Variants in SLC16A12 observed in about 807,000 individuals in gnomAD.
SLC16A12 encodes solute carrier family 16 member 12.
SLC16A12 carries 17 observed loss-of-function variants against 42.4 expected under a neutral mutation model. The ratio of observed to expected loss-of-function variants is 0.40; its 90% confidence interval spans 0.27 to 0.60. The LOEUF is 0.60. SLC16A12 is among the 20% of genes least tolerant of loss of function. SLC16A12 has a pLI of 0.42. For missense variants in SLC16A12, 544 were observed against 623.0 expected, an observed-to-expected ratio of 0.87 and a Z score of 1.35; for synonymous variants, 224 against 229.4, an observed-to-expected ratio of 0.98 and a Z score of 0.21.
chr10:89,530,449 G>A lies in SLC16A12; in HGVS notation c.-47+4052C>T, dbSNP rs903263047. On this transcript the variant is annotated intron_variant, in intron 2 of 7. Coordinates refer to ENST00000371790, the MANE Select transcript of SLC16A12 (RefSeq NM_213606.4). ...TCTTTTTTTTCTGAGACGGAGTCTC[G>A]CTCTGTTGCCCAGGCTGGAGTGCAG... 6.7e-5 allele frequency among the ~76,000 whole-genome samples: 10 copies of A among 149,088 alleles called. No individual in the cohort carries two copies. The South Asian group carries it at 1.3e-3, about 19-fold the overall frequency.
intron 7 of SLC16A12, among the ~76,000 whole-genome samples, chr10:89,435,604 C>G (rs1418981238): frequency 6.6e-6 from 1 of 152,142 alleles, no homozygotes. Context: ...TAATACTATC[C>G]ACAGTCTCTG....
At chr10:89,555,505 G>T (rs979059317) in intron 2 of SLC16A12, among the ~76,000 whole-genome samples, 1 of 138,246 alleles carries the variant, frequency 7.2e-6, no homozygotes. Context: ...ACGTATATAC[G>T]TATATATATG....
At chr10:89,463,253 G>A (rs1479557623) in intron 2 of SLC16A12, among the ~76,000 whole-genome samples, 2 of 152,112 alleles carry the variant, frequency 1.3e-5, no homozygotes, top group Non-Finnish European at 2.9e-5. Context: ...TTATTATACG[G>A]AATGAGTCTG....
intron 2 of SLC16A12, among the ~76,000 whole-genome samples, chr10:89,547,518 G>T (rs1188655162): frequency 6.6e-6 from 1 of 152,092 alleles, no homozygotes; most frequent in East Asian, 1.9e-4. Flanking sequence ...TTAAGACATG[G>T]TTCCTGCCTT....
intron 2 of SLC16A12, among the ~76,000 whole-genome samples, chr10:89,479,373 A>G (rs757098299): frequency 4.0e-5 from 6 of 151,786 alleles, no homozygotes; most frequent in African/African-American, 9.7e-5. Flanking sequence ...ATTCTGTGCT[A>G]TAAGTAAAAT....
At chr10:89,447,303 C>T (rs1005785344) in intron 3 of SLC16A12, among the ~76,000 whole-genome samples, 1 of 152,208 alleles carries the variant, frequency 6.6e-6, no homozygotes, top group Non-Finnish European at 1.5e-5. Flanking sequence ...ACAGAATATA[C>T]ATTCTTCTCA....
intron 3 of SLC16A12, among the ~76,000 whole-genome samples, chr10:89,456,614 C>G (rs1411236718): frequency 6.6e-6 from 1 of 151,902 alleles, no homozygotes; most frequent in Non-Finnish European, 1.5e-5. Context: ...AAACGTGTGC[C>G]ATGGTGGTTT....
intron 2 of SLC16A12, among the ~76,000 whole-genome samples, chr10:89,512,705 G>T (rs559076946): frequency 6.2e-4 from 95 of 152,302 alleles, no homozygotes; most frequent in Non-Finnish European, 4.3e-4. Context: ...CTGTTCATCT[G>T]TATCTTTCAA....
Position 89,503,740 on chromosome 10 carries a change from G to A in SLC16A12, c.-47+30761C>T, listed in dbSNP as rs191066707. Reference sequence around the variant, plus strand: ...GAAGAGACTGGAAAGAAAGATGCTTGTGGTGGAGTCCGCAATTGTTCCCAT... The same window carrying A: ...GAAGAGACTGGAAAGAAAGATGCTTATGGTGGAGTCCGCAATTGTTCCCAT... On this transcript the variant is annotated intron_variant, in intron 2 of 7. Coordinates refer to ENST00000371790, the MANE Select transcript of SLC16A12 (RefSeq NM_213606.4). 6.6e-5 allele frequency among the ~76,000 whole-genome samples: 10 copies of A among 152,326 alleles called. No individual in the cohort carries two copies. In the East Asian group the frequency reaches 1.5e-3, roughly 24 times the overall value.
At chr10:89,486,664 AAAAGAAAG>A (rs150119541) in intron 2 of SLC16A12, among the ~76,000 whole-genome samples, 1 of 94,128 alleles carries the variant, frequency 1.1e-5, no homozygotes, top group East Asian at 3.6e-4. Flanking sequence ...AGAAAGAAAG[AAAAGAAAG>A]AAAGAAAGAA....
intron 2 of SLC16A12, among the ~76,000 whole-genome samples, chr10:89,552,610 G>C (rs1423078539): frequency 1.3e-5 from 2 of 152,172 alleles, no homozygotes; most frequent in African/African-American, 4.8e-5. Context: ...CCTTCCAATT[G>C]CTTCTGGCTC....
intron 2 of SLC16A12, among the ~76,000 whole-genome samples, chr10:89,502,914 G>C (rs749428858): frequency 6.6e-6 from 1 of 152,196 alleles, no homozygotes; most frequent in African/African-American, 2.4e-5. Flanking sequence ...GAGAAGATGA[G>C]CAATGGTGAT....
At chr10:89,494,607 T>C (rs965555275) in intron 2 of SLC16A12, among the ~76,000 whole-genome samples, 15 of 152,150 alleles carry the variant, frequency 9.9e-5, no homozygotes, top group Admixed American at 7.9e-4. Context: ...GAGAACATAA[T>C]AGCAAACAAA....
intron 2 of SLC16A12, among the ~76,000 whole-genome samples, chr10:89,533,018 A>G (rs1843581386): frequency 6.6e-6 from 1 of 152,230 alleles, no homozygotes; most frequent in South Asian, 2.1e-4. Context: ...CCCTGCAATA[A>G]AGGAAATGTA....
chr10:89,552,240 G>C (rs984770752), intron 2 of SLC16A12, among the ~76,000 whole-genome samples: 16 of 152,246 alleles, frequency 1.1e-4, no homozygotes, highest in Non-Finnish European at 2.1e-4. Context: ...TGGCCAAAGA[G>C]AGATGTATTA....
intron 2 of SLC16A12, among the ~76,000 whole-genome samples, chr10:89,531,204 A>C (rs540826108): frequency 3.9e-5 from 6 of 152,044 alleles, no homozygotes; most frequent in Admixed American, 2.0e-4. Flanking sequence ...AGCCTTGCCA[A>C]CATGGTGATA....
chr10:89,517,480 ATT>A (rs58938542), intron 2 of SLC16A12, among the ~76,000 whole-genome samples: 2 of 147,552 alleles, frequency 1.4e-5, no homozygotes, highest in East Asian at 2.0e-4. Context: ...CAGGTAATTA[ATT>A]TTTTTTTTTG....
At chr10:89,551,179 C>A (rs773953740) in intron 2 of SLC16A12, among the ~76,000 whole-genome samples, 1 of 152,130 alleles carries the variant, frequency 6.6e-6, no homozygotes, top group Non-Finnish European at 1.5e-5. Flanking sequence ...TGGTGGCTCA[C>A]GCTTGTAATC....
chr10:89,439,102 C>A lies in SLC16A12; in HGVS notation c.530G>T (p.Gly177Val). ...YFSRRKALAY[G>V]IAMSGSGIGT... Reference sequence around the variant, plus strand: ...AATGCCACTTCCTGACATGGCGATACCATAAGCAAGGGCTTTCCGTCTGCT... The same window carrying A: ...AATGCCACTTCCTGACATGGCGATAACATAAGCAAGGGCTTTCCGTCTGCT... The change falls in exon 6 of 8, where the codon GGT (glycine) becomes GTT (valine). Residue 177 changes from glycine (G) to valine (V), a missense_variant. Coordinates refer to ENST00000371790, the MANE Select transcript of SLC16A12 (RefSeq NM_213606.4). 1.9e-6 allele frequency: 3 copies of A among 1,613,662 alleles called. No individual in the cohort carries two copies. Among genetic ancestry groups the A allele is most frequent in the Non-Finnish European group, 2.5e-6 (3 of 1,179,820 alleles).
Sources: gnomAD v4.1 joint callset for allele counts (sites outside exome capture counted in the v4.1 genomes callset) on GRCh38, gnomAD v4.1.1 for gene constraint, MANE v1.5 for transcripts, NCBI Gene and HGNC (gene_info 2026-07-23, HGNC 2026-07-21) for gene names.